ETV6: variants seen among roughly 807,000 people sequenced by gnomAD.
ETV6 encodes ETS variant transcription factor 6, also known as transcription factor ETV6.
A neutral mutation model predicts 51.1 loss-of-function variants in ETV6; 16 were observed. The ratio of observed to expected loss-of-function variants is 0.31; its 90% CI spans 0.21 to 0.48. The LOEUF (loss-of-function observed/expected upper bound fraction) is 0.48, where lower values mean the gene tolerates loss of function less well. Ranked by LOEUF, ETV6 falls within the 20% of genes least tolerant of loss-of-function variation. The pLI is 0.99. For synonymous variants in ETV6, 240 were observed against 224.1 expected, an observed-to-expected ratio of 1.07 and a Z score of -0.64; for missense variants, 458 against 594.8, an observed-to-expected ratio of 0.77 and a Z score of 2.39.
chr12:11,788,376 A>T (rs1412830170), intron 2 of ETV6, among the ~76,000 whole-genome samples: 1 of 152,232 alleles, frequency 6.6e-6, no homozygotes, highest in East Asian at 1.9e-4. Flanking sequence ...CTGCCTTTAA[A>T]AAAAACGAAC....
chr12:11,667,998 C>A (rs1365466324), intron 1 of ETV6, among the ~76,000 whole-genome samples: 1 of 152,068 alleles, frequency 6.6e-6, no homozygotes, highest in Non-Finnish European at 1.5e-5. Context: ...CCACGCCCAG[C>A]CAATTTTTAA....
At chr12:11,688,094 T>A (rs540583317) in intron 1 of ETV6, among the ~76,000 whole-genome samples, 1 of 136,170 alleles carries the variant, frequency 7.3e-6, no homozygotes, top group South Asian at 2.7e-4. Flanking sequence ...ATGTGGAGTC[T>A]GGGCTGCCTG....
At chr12:11,675,018 G>A (rs1018124677) in intron 1 of ETV6, among the ~76,000 whole-genome samples, 1 of 152,212 alleles carries the variant, frequency 6.6e-6, no homozygotes, top group Admixed American at 6.5e-5. Context: ...CAGGCCCTCC[G>A]TCAGCTCCCT....
At chr12:11,678,208 G>T (rs1226814330) in intron 1 of ETV6, among the ~76,000 whole-genome samples, 1 of 152,158 alleles carries the variant, frequency 6.6e-6, no homozygotes, top group Non-Finnish European at 1.5e-5. Context: ...GTGCTTTGAG[G>T]CCCTGGAGAT....
Position 11,790,078 on chromosome 12 carries a change from T to C in ETV6, c.163+37499T>C, listed in dbSNP as rs955490517. 6.6e-5 allele frequency among the ~76,000 whole-genome samples: 9 copies of C among 136,496 alleles called. No homozygotes were observed. In the East Asian group the frequency reaches 2.0e-3, roughly 30 times the overall value. The allele number at this position is 136,496 out of a possible 152,430, so 89.5% of individuals were successfully genotyped here. ...TTTAAGTTCCTCTTGGAGAGATTCC[T>C]CAACCTTTTTTGTCAGCACTTCTTT... On this transcript the variant is annotated intron_variant, in intron 2 of 7. Coordinates refer to ENST00000396373, the MANE Select transcript of ETV6 (RefSeq NM_001987.5).
In ETV6 at chr12:11,849,191, G is replaced by T. The variant is rs192228610; in HGVS notation, c.329-4236G>T. Among the ~76,000 whole-genome samples, 35 of 152,252 alleles carry T rather than the reference G, an allele frequency of 2.3e-4. No individual in the cohort carries two copies. In the East Asian group the frequency reaches 6.6e-3, roughly 29 times the overall value. On this transcript the variant is annotated intron_variant, in intron 3 of 7. Coordinates refer to ENST00000396373, the MANE Select transcript of ETV6 (RefSeq NM_001987.5). Reference sequence around the variant, plus strand: ...AGTGATGTGATCACAGCTCACTGCAGCCTCGACCTCCTGGGCTCAAGCAAT... The same window carrying T: ...AGTGATGTGATCACAGCTCACTGCATCCTCGACCTCCTGGGCTCAAGCAAT...
intron 7 of ETV6, among the ~76,000 whole-genome samples, chr12:11,886,585 G>A (rs994894304): frequency 2.6e-5 from 4 of 152,150 alleles, no homozygotes; most frequent in Admixed American, 6.5e-5. Context: ...GTATGTACGT[G>A]ATGAGTCATG....
intron 5 of ETV6, among the ~76,000 whole-genome samples, chr12:11,883,917 C>T (rs1434523258): frequency 6.6e-6 from 1 of 152,150 alleles, no homozygotes; most frequent in Non-Finnish European, 1.5e-5. Context: ...TTTTTCACTC[C>T]TCACTCCTTT....
In ETV6 at chr12:11,895,197, C is replaced by T. The variant is rs911365085; in HGVS notation, c.*4151C>T. 4.3e-6 allele frequency: 1 copy of T among 232,232 alleles called. No individual in the cohort carries two copies. The highest frequency in any genetic ancestry group is 5.6e-5 in the Admixed American group (1 of 17,704). 14.4% of individuals were successfully genotyped at this position (232,232 alleles called of 1,614,324 possible). A position where few individuals can be genotyped will look rare whatever the true frequency, so the allele number is the denominator to read the frequency against. The stretch of plus-strand genomic sequence containing the variant: ...CAAACCAGAACGACTCTAGAATTTC[C>T]TTCCCCGCCCCCCTTTTTGTTTAGT... On this transcript the variant is annotated 3_prime_UTR_variant, in exon 8 of 8. Coordinates refer to ENST00000396373, the MANE Select transcript of ETV6 (RefSeq NM_001987.5).
chr12:11,746,429 A>C (rs1468983357), intron 1 of ETV6, among the ~76,000 whole-genome samples: 6 of 152,196 alleles, frequency 3.9e-5, no homozygotes, highest in Non-Finnish European at 8.8e-5. Flanking sequence ...GAAATAAAAT[A>C]AAGGCTTCAT....
At chr12:11,870,586 TTCC>T (rs1946866769) in intron 5 of ETV6, among the ~76,000 whole-genome samples, 1 of 152,312 alleles carries the variant, frequency 6.6e-6, no homozygotes, top group East Asian at 1.9e-4. Flanking sequence ...CATTGTCTGT[TTCC>T]TAGGATGCTC....
intron 1 of ETV6, among the ~76,000 whole-genome samples, chr12:11,714,740 G>C (rs1192848273): frequency 6.7e-6 from 1 of 150,266 alleles, no homozygotes; most frequent in South Asian, 2.1e-4. Context: ...GTAAGTGACT[G>C]TTTCAGACTG....
intron 2 of ETV6, among the ~76,000 whole-genome samples, chr12:11,803,274 G>T (rs1158996599): frequency 6.6e-6 from 1 of 152,150 alleles, no homozygotes; most frequent in East Asian, 1.9e-4. Flanking sequence ...GCAAATTAGG[G>T]AAGAATGAAA....
At chr12:11,888,282 C>G (rs1048056210) in intron 7 of ETV6, among the ~76,000 whole-genome samples, 1 of 152,292 alleles carries the variant, frequency 6.6e-6, no homozygotes, top group Middle Eastern at 3.4e-3. Flanking sequence ...GTCTGTTGCC[C>G]TGAATGAGGC....
At chr12:11,711,568 C>T (rs1865172287) in intron 1 of ETV6, among the ~76,000 whole-genome samples, 1 of 152,208 alleles carries the variant, frequency 6.6e-6, no homozygotes, top group Non-Finnish European at 1.5e-5. Flanking sequence ...TCCTGAAATT[C>T]CTTTTTTGAA....
At chr12:11,657,582 C>A (rs918597060) in intron 1 of ETV6, among the ~76,000 whole-genome samples, 1 of 152,176 alleles carries the variant, frequency 6.6e-6, no homozygotes, top group Non-Finnish European at 1.5e-5. Context: ...GAAAAGTACT[C>A]CCCCATGAAG....
intron 1 of ETV6, among the ~76,000 whole-genome samples, chr12:11,695,196 AC>A (rs1373035844): frequency 2.6e-5 from 4 of 152,222 alleles, no homozygotes; most frequent in Admixed American, 2.0e-4. Context: ...TGTGATAGGA[AC>A]AGATTCTAAT....
At chr12:11,847,525 A>C (rs1030982908) in intron 3 of ETV6, among the ~76,000 whole-genome samples, 5 of 152,206 alleles carry the variant, frequency 3.3e-5, no homozygotes, top group African/African-American at 1.2e-4. Flanking sequence ...AAGAGCAGAG[A>C]AGTAGGCGGA....
intron 2 of ETV6, among the ~76,000 whole-genome samples, chr12:11,837,698 T>G (rs573965092): frequency 6.6e-6 from 1 of 152,364 alleles, no homozygotes; most frequent in African/African-American, 2.4e-5. Flanking sequence ...AAGTAACTTA[T>G]AGTGAGAGAC....
Sources: allele counts gnomAD v4.1 joint callset (sites outside exome capture counted in the v4.1 genomes callset), GRCh38; gene constraint gnomAD v4.1.1; transcripts MANE v1.5; gene names NCBI Gene and HGNC (gene_info 2026-07-23, HGNC 2026-07-21).